The following FOXP2 variants were observed in gnomAD, a reference collection of about 807,000 sequenced individuals.
FOXP2 encodes forkhead box protein P2.
FOXP2 carries 12 observed loss-of-function variants against 115.8 expected under a neutral mutation model. The ratio of observed to expected loss-of-function variants is 0.10; its 90% CI spans 0.07 to 0.17. The LOEUF (loss-of-function observed/expected upper bound fraction) is 0.17, where lower values mean the gene tolerates loss of function less well. Ranked by LOEUF, FOXP2 falls within the 10% of genes least tolerant of loss-of-function variation. The probability of loss-of-function intolerance (pLI) is 1.00; values close to 1 mark genes in which losing one functional copy is unlikely to be tolerated. For synonymous variants in FOXP2, 328 were observed against 297.7 expected (o/e 1.10, Z -1.05); for missense variants, 629 against 843.5 (o/e 0.75, Z 3.15).
At chr7:114,420,069 G>GA (rs1793549103) in intron 1 of FOXP2, among the ~76,000 whole-genome samples, 1 of 151,894 alleles carries the variant, frequency 6.6e-6, no homozygotes, top group African/African-American at 2.4e-5. Flanking sequence ...TTATGCTCAG[G>GA]AAAAACAGCA....
intron 1 of FOXP2, among the ~76,000 whole-genome samples, chr7:114,276,181 CAG>C (rs1796182804): frequency 6.6e-6 from 1 of 152,208 alleles, no homozygotes. Context: ...CTTTTTGAGA[CAG>C]AGTCTCACTC....
At chr7:114,648,291 G>T (rs1274924329) in intron 8 of FOXP2, among the ~76,000 whole-genome samples, 1 of 151,924 alleles carries the variant, frequency 6.6e-6, no homozygotes, top group South Asian at 2.1e-4. Flanking sequence ...GAAAACTAAG[G>T]CATCTCACAT....
chr7:114,413,089 G>A (rs1030960116), upstream of FOXP2, among the ~76,000 whole-genome samples: 1 of 152,044 alleles, frequency 6.6e-6, no homozygotes, highest in Admixed American at 6.6e-5. Context: ...TTGCTGAAGA[G>A]CATTATGTTA....
intron 1 of FOXP2, among the ~76,000 whole-genome samples, chr7:114,258,485 A>G (rs1376086763): frequency 6.6e-6 from 1 of 152,214 alleles, no homozygotes; most frequent in Non-Finnish European, 1.5e-5. Flanking sequence ...GAGTTCTGGA[A>G]TGGCCCAGGA....
At chr7:114,475,894 T>C (rs1178555336) in intron 2 of FOXP2, among the ~76,000 whole-genome samples, 1 of 151,992 alleles carries the variant, frequency 6.6e-6, no homozygotes, top group Non-Finnish European at 1.5e-5. Flanking sequence ...CCTTAATTAA[T>C]AGTCAAAAAC....
chr7:114,519,881 C>A (rs541275375), intron 2 of FOXP2, among the ~76,000 whole-genome samples: 4 of 151,978 alleles, frequency 2.6e-5, no homozygotes, highest in South Asian at 2.1e-4. Flanking sequence ...CAATTTTATC[C>A]GTCTTTTTAT....
At chr7:114,263,909 A>G (rs993494787) in intron 1 of FOXP2, among the ~76,000 whole-genome samples, 20 of 151,846 alleles carry the variant, frequency 1.3e-4, no homozygotes, top group Non-Finnish European at 2.5e-4. Context: ...TCAGCTCACA[A>G]TTATATGACT....
intron 2 of FOXP2, among the ~76,000 whole-genome samples, chr7:114,404,566 C>T (rs1792985752): frequency 6.6e-6 from 1 of 151,998 alleles, no homozygotes; most frequent in Non-Finnish European, 1.5e-5. Context: ...TAAATTGCCT[C>T]AGTGAAGAAA....
At chr7:114,252,724 C>T (rs1402632546) in intron 1 of FOXP2, among the ~76,000 whole-genome samples, 2 of 151,792 alleles carry the variant, frequency 1.3e-5, no homozygotes, top group Admixed American at 6.6e-5. Flanking sequence ...TCAATTTTGT[C>T]AATTGTTTCA....
chr7:114,655,389 G>A (rs1339494697), intron 10 of FOXP2, among the ~76,000 whole-genome samples: 1 of 152,122 alleles, frequency 6.6e-6, no homozygotes. Flanking sequence ...AATGAATAAT[G>A]TAATTGAAGT....
At chr7:114,351,634 T>G (rs1041483176) in intron 2 of FOXP2, among the ~76,000 whole-genome samples, 1 of 152,120 alleles carries the variant, frequency 6.6e-6, no homozygotes, top group Admixed American at 6.6e-5. Context: ...AGTGTCACAA[T>G]ATAAAATGTT....
At chr7:114,567,009 C>A (rs1175732905) in intron 3 of FOXP2, among the ~76,000 whole-genome samples, 1 of 151,918 alleles carries the variant, frequency 6.6e-6, no homozygotes, top group Admixed American at 6.6e-5. Flanking sequence ...TCTTGCTTTG[C>A]TGCACCAGGT....
intron 2 of FOXP2, among the ~76,000 whole-genome samples, chr7:114,384,652 G>A (rs1792396403): frequency 1.3e-5 from 2 of 151,938 alleles, no homozygotes; most frequent in South Asian, 4.2e-4. Flanking sequence ...ATGGGTTAAG[G>A]GAATTATCAG....
rs1025011360 is a variant in FOXP2 at position 114,628,554 on chromosome 7, G to C, written c.273G>C (p.Val91=). Residue 91 remains valine, a synonymous_variant, in exon 4 of 17, where the codon GTG becomes GTC. Transcript: ENST00000350908. The part of the protein sequence containing the change: ...KQRPLQVPVS[V]AMMTPQVITP... ...TTCTGTGCAAGGTGCCTGTGTCAGT[G>C]GCCATGATGACTCCCCAGGTGATCA... is the stretch of plus-strand genomic sequence containing the variant. 2 of 1,614,056 alleles carry C rather than the reference G, an allele frequency of 1.2e-6. No homozygotes were observed. Among genetic ancestry groups the C allele is most frequent in the Middle Eastern group, 1.6e-4 (1 of 6,062 alleles).
intron 3 of FOXP2, among the ~76,000 whole-genome samples, chr7:114,562,528 A>G (rs1780573544): frequency 6.6e-6 from 1 of 152,168 alleles, no homozygotes; most frequent in South Asian, 2.1e-4. Context: ...AGCATCTCTG[A>G]TTATATCCCT....
chr7:114,435,565 A>G (rs1190471110), intron 2 of FOXP2, among the ~76,000 whole-genome samples: 1 of 151,914 alleles, frequency 6.6e-6, no homozygotes, highest in Non-Finnish European at 1.5e-5. Flanking sequence ...GAGATGGAGT[A>G]TTGCTCTTGT....
intron 1 of FOXP2, among the ~76,000 whole-genome samples, chr7:114,229,419 A>G (rs1467839107): frequency 6.6e-6 from 1 of 151,656 alleles, no homozygotes; most frequent in African/African-American, 2.4e-5. Flanking sequence ...CTAAAGACAA[A>G]CATTCCATCC....
chr7:114,103,884 C>T (rs1390260326), intron 1 of FOXP2, among the ~76,000 whole-genome samples: 4 of 152,014 alleles, frequency 2.6e-5, no homozygotes, highest in Admixed American at 1.3e-4. Flanking sequence ...GCCATTCCTT[C>T]AATCTCCCCC....
intron 3 of FOXP2, among the ~76,000 whole-genome samples, chr7:114,626,077 A>G (rs894762013): frequency 1.3e-5 from 2 of 151,776 alleles, no homozygotes; most frequent in African/African-American, 4.8e-5. Flanking sequence ...CATACATGTG[A>G]CCATTTAAAA....
Sources: allele counts gnomAD v4.1 joint callset (sites outside exome capture counted in the v4.1 genomes callset), GRCh38; gene constraint gnomAD v4.1.1; transcripts MANE v1.5; gene names NCBI Gene and HGNC (gene_info 2026-07-23, HGNC 2026-07-21).